The following COL22A1 variants were observed in gnomAD, a reference collection of about 807,000 sequenced individuals.
COL22A1 encodes collagen alpha-1(XXII) chain.
A neutral mutation model predicts 248.9 loss-of-function variants in COL22A1; 221 were observed. The observed-to-expected ratio is 0.89, with a 90% CI of 0.80 to 0.99. The LOEUF is 0.99. Ranked by LOEUF, COL22A1 falls within the 50% of genes least tolerant of loss-of-function variation. COL22A1 has a pLI of 0.00. For synonymous variants in COL22A1, 891 were observed against 793.4 expected (o/e 1.12, Z -2.07); for missense variants, 2,240 against 2,179.0 (o/e 1.03, Z -0.56).
chr8:138,625,189 C>T (rs978751963), intron 51 of COL22A1, among the ~76,000 whole-genome samples: 5 of 151,978 alleles, frequency 3.3e-5, no homozygotes, highest in African/African-American at 1.2e-4. Context: ...TGGTGGGGAG[C>T]AGGGAAGGAA....
At chr8:138,801,983 T>C (rs1817036936) in intron 11 of COL22A1, among the ~76,000 whole-genome samples, 1 of 152,134 alleles carries the variant, frequency 6.6e-6, no homozygotes, top group Admixed American at 6.6e-5. Context: ...ACTTGTGCTG[T>C]TGATGCTACA....
At position 138,655,899 on chromosome 8, in the gene COL22A1, T is replaced by C. The variant is rs990657980; in HGVS notation, c.3331A>G (p.Lys1111Glu). 6.2e-7 allele frequency: 1 copy of C among 1,611,424 alleles called. No homozygotes were observed. Among genetic ancestry groups the C allele is most frequent in the Non-Finnish European group, 8.5e-7 (1 of 1,177,732 alleles). Reference protein sequence around the residue: ...LSPGDINLLAKDVCNDCPPGP... With the variant: ...LSPGDINLLAEDVCNDCPPGP... The stretch of plus-strand genomic sequence containing the variant: ...GCGCATTTATTGTATGCTTTTACCT[T>C]AGCCAAGAGATTTATGTCCCCTGGA... The change falls in exon 45 of 65, where the codon AAG (lysine) becomes GAG (glutamate). Residue 1111 changes from lysine (K) to glutamate (E), a missense_variant and splice_region_variant. Physicochemically the swap from Lys to Glu is moderately conservative, Grantham distance 56 (BLOSUM62 1). Transcript: ENST00000303045.
intron 16 of COL22A1, 112 bp downstream of exon 16, chr8:138,775,852 GCA>G (rs1173141265): frequency 9.8e-7 from 1 of 1,018,664 alleles, no homozygotes; most frequent in Non-Finnish European, 1.6e-6. Context: ...GTGCACACAT[GCA>G]CACACAAATG....
chr8:138,731,647 T>TGAGA (rs144710737), intron 23 of COL22A1, among the ~76,000 whole-genome samples: 24 of 150,688 alleles, frequency 1.6e-4, no homozygotes, highest in South Asian at 6.3e-4. Flanking sequence ...CTACAGGGCC[T>TGAGA]GAGAGAGAGA....
At chr8:138,639,501 C>A (rs7006342) in intron 47 of COL22A1, among the ~76,000 whole-genome samples, 4,750 of 152,224 alleles carry the variant, frequency 0.031, 231 homozygotes, top group African/African-American at 0.11. Context: ...GTGCACTGGG[C>A]ATTCATATTT....
chr8:138,813,300 G>T (rs1177813748), intron 7 of COL22A1, among the ~76,000 whole-genome samples: 4 of 65,782 alleles, frequency 6.1e-5, no homozygotes, highest in African/African-American at 1.9e-4. Context: ...GGAGGGACCC[G>T]GTGGGAGATA....
intron 6 of COL22A1, among the ~76,000 whole-genome samples, chr8:138,822,081 G>C (rs1819188333): frequency 6.6e-6 from 1 of 152,044 alleles, no homozygotes; most frequent in Admixed American, 6.6e-5. Context: ...GTCTCACTCT[G>C]TTGCCCAGGC....
At chr8:138,811,734 G>A in intron 9 of COL22A1, 65 bp downstream of exon 9, 2 of 1,601,708 alleles carry the variant, frequency 1.2e-6, no homozygotes, top group East Asian at 2.2e-5. Context: ...CCACATGCAT[G>A]ATGGGAAACT....
chr8:138,860,589 C>A (rs1822377375), intron 3 of COL22A1, among the ~76,000 whole-genome samples: 1 of 152,206 alleles, frequency 6.6e-6, no homozygotes, highest in South Asian at 2.1e-4. Context: ...GAGCAAATTG[C>A]TTGAGCCCAG....
At chr8:138,880,671 C>T (rs1824133826) in intron 2 of COL22A1, among the ~76,000 whole-genome samples, 1 of 152,162 alleles carries the variant, frequency 6.6e-6, no homozygotes, top group Non-Finnish European at 1.5e-5. Context: ...AGGACTGATC[C>T]CTAACAGGAT....
intron 56 of COL22A1, among the ~76,000 whole-genome samples, chr8:138,613,434 C>T (rs558389996): frequency 1.4e-4 from 22 of 152,274 alleles, no homozygotes; most frequent in Non-Finnish European, 2.2e-4. Context: ...TCAGAAGGAA[C>T]CAACCCTGTT....
At chr8:138,846,036 A>C (rs1260671216) in intron 3 of COL22A1, among the ~76,000 whole-genome samples, 1 of 152,108 alleles carries the variant, frequency 6.6e-6, no homozygotes, top group Non-Finnish European at 1.5e-5. Flanking sequence ...GGAAGGAGGT[A>C]TTTTTAATGT....
At chr8:138,696,984 G>C (rs1827558104) in intron 32 of COL22A1, among the ~76,000 whole-genome samples, 1 of 152,186 alleles carries the variant, frequency 6.6e-6, no homozygotes, top group African/African-American at 2.4e-5. Context: ...ATTGTTTCAG[G>C]AGACACACAG....
At chr8:138,877,288 C>A (rs1160573975) in intron 3 of COL22A1, among the ~76,000 whole-genome samples, 1 of 152,218 alleles carries the variant, frequency 6.6e-6, no homozygotes, top group East Asian at 1.9e-4. Flanking sequence ...ATGCTTCTTG[C>A]GTGATCCCTC....
At chr8:138,681,039 T>G (rs1046884799) in intron 39 of COL22A1, among the ~76,000 whole-genome samples, 3 of 152,134 alleles carry the variant, frequency 2.0e-5, no homozygotes, top group African/African-American at 7.2e-5. Flanking sequence ...CCTCCCCCAC[T>G]TCCCCTAGGC....
intron 3 of COL22A1, among the ~76,000 whole-genome samples, chr8:138,856,647 A>G (rs1456655676): frequency 1.3e-5 from 2 of 151,424 alleles, no homozygotes; most frequent in African/African-American, 4.9e-5. Flanking sequence ...AAAGAAACAG[A>G]GACAGAGACA....
At chr8:138,854,814 ATGGTGATGATGG>A (rs1270593252) in intron 3 of COL22A1, among the ~76,000 whole-genome samples, 1 of 151,850 alleles carries the variant, frequency 6.6e-6, no homozygotes, top group African/African-American at 2.4e-5. Flanking sequence ...GGTGATGATG[ATGGTGATGATGG>A]TGACGATGAT....
At chr8:138,836,169 G>T (rs1820415984) in intron 4 of COL22A1, among the ~76,000 whole-genome samples, 1 of 152,178 alleles carries the variant, frequency 6.6e-6, no homozygotes, top group African/African-American at 2.4e-5. Flanking sequence ...TACTTGGGAG[G>T]CTGAGGCAGG....
chr8:138,760,327 A>G, intron 17 of COL22A1, 40 bp from the exon 18 acceptor site: 1 of 1,572,860 alleles, frequency 6.4e-7, no homozygotes, highest in Non-Finnish European at 8.7e-7. Flanking sequence ...GATGGGCACT[A>G]CGGATACGGT....
Sources: gnomAD v4.1 joint callset for allele counts (sites outside exome capture counted in the v4.1 genomes callset) on GRCh38, gnomAD v4.1.1 for gene constraint, MANE v1.5 for transcripts, NCBI Gene and HGNC (gene_info 2026-07-23, HGNC 2026-07-21) for gene names.